Variants in ADGRL2 observed in about 807,000 individuals in gnomAD.
ADGRL2 encodes adhesion G protein-coupled receptor L2, also known as calcium-independent alpha-latrotoxin receptor 2.
Under a neutral mutation model 157.4 loss-of-function variants are expected in ADGRL2, and 44 were observed. The ratio of observed to expected loss-of-function variants is 0.28; its 90% CI spans 0.22 to 0.36. The LOEUF (loss-of-function observed/expected upper bound fraction) is 0.36. ADGRL2 is among the 10% of genes least tolerant of loss of function. The pLI is 1.00. For synonymous variants in ADGRL2, 585 were observed against 624.7 expected (o/e 0.94, Z 0.95); for missense variants, 1,510 against 1,768.9 (o/e 0.85, Z 2.63).
At chr1:81,576,949 T>A (rs1345573282) in intron 2 of ADGRL2, among the ~76,000 whole-genome samples, 1 of 152,280 alleles carries the variant, frequency 6.6e-6, no homozygotes, top group East Asian at 1.9e-4. Flanking sequence ...TGTTGTTGGA[T>A]CCCATGTTTG....
chr1:81,673,089 C>T (rs1337593565), intron 3 of ADGRL2, among the ~76,000 whole-genome samples: 2 of 152,142 alleles, frequency 1.3e-5, no homozygotes, highest in Non-Finnish European at 2.9e-5. Context: ...CAGCTTTTGT[C>T]TTACTTATTT....
intron 1 of ADGRL2, among the ~76,000 whole-genome samples, chr1:81,376,872 T>A (rs1570768233): frequency 6.6e-6 from 1 of 152,234 alleles, no homozygotes; most frequent in Non-Finnish European, 1.5e-5. Flanking sequence ...AGAAGATAAA[T>A]TCATGACTTT....
rs879384580 is a variant in ADGRL2, at chr1:81,993,400, A to G, written c.*2255A>G. On this transcript the variant is annotated 3_prime_UTR_variant, in exon 24 of 24. Transcript: ENST00000686636. ...GTAATTCCTAGTATACAAGCTACCT[A>G]GAGTCAGGCTGGTTCAGTAATAAAT... Among the ~76,000 whole-genome samples, 1 of 151,994 alleles carries G rather than the reference A, an allele frequency of 6.6e-6. No homozygotes were observed. Among genetic ancestry groups the G allele is most frequent in the Non-Finnish European group, 1.5e-5 (1 of 68,004 alleles).
intron 1 of ADGRL2, among the ~76,000 whole-genome samples, chr1:81,422,194 T>G (rs936429341): frequency 3.3e-5 from 5 of 152,146 alleles, no homozygotes; most frequent in African/African-American, 1.2e-4. Flanking sequence ...CTTCTTTTTT[T>G]TTTAACATAA....
chr1:81,712,855 C>A (rs904192244), intron 1 of ADGRL2, among the ~76,000 whole-genome samples: 1 of 149,022 alleles, frequency 6.7e-6, no homozygotes, highest in East Asian at 2.0e-4. Context: ...CTCCACCTCC[C>A]GGGTTCAAGT....
chr1:81,566,330 CA>C (rs922009586), intron 2 of ADGRL2, among the ~76,000 whole-genome samples: 13 of 152,170 alleles, frequency 8.5e-5, no homozygotes, highest in Non-Finnish European at 1.8e-4. Context: ...TAGAATCAAA[CA>C]AATAAACAAA....
intron 1 of ADGRL2, among the ~76,000 whole-genome samples, chr1:81,705,419 T>C (rs1454949446): frequency 1.3e-5 from 2 of 151,756 alleles, no homozygotes; most frequent in Non-Finnish European, 2.9e-5. Context: ...GGCTAATTTT[T>C]GTGTTTTTAG....
rs757313514 is a variant in ADGRL2, at chr1:81,950,378, C to T, written c.1400C>T (p.Pro467Leu). The T allele has an allele frequency of 7.4e-6, 12 of 1,613,886 alleles. No individual in the cohort carries two copies. The South Asian group carries it at 1.1e-4, about 15-fold the overall frequency. The change falls in exon 7 of 24, where the codon CCC becomes CTC. Residue 467 changes from proline to leucine, a missense_variant. Transcript: ENST00000686636. Reference protein sequence around the residue: ...TKIPPITNIFPLPERFCEALD... With the variant: ...TKIPPITNIFLLPERFCEALD... Reference sequence around the variant, plus strand: ...ATTCCACCTATAACAAATATTTTTCCCCTGCCAGAGAGATTCTGTGAAGCA... The same window carrying T: ...ATTCCACCTATAACAAATATTTTTCTCCTGCCAGAGAGATTCTGTGAAGCA...
intron 19 of ADGRL2, 156 bp from the exon 20 acceptor site, chr1:81,984,427 A>G (rs41292978): frequency 3.4e-5 from 23 of 668,794 alleles, no homozygotes; most frequent in Non-Finnish European, 5.1e-5. Flanking sequence ...CAGTAATTTT[A>G]ATTGAACTTG....
intron 2 of ADGRL2, among the ~76,000 whole-genome samples, chr1:81,500,238 G>C (rs181397960): frequency 2.6e-5 from 4 of 152,344 alleles, no homozygotes; most frequent in East Asian, 3.9e-4. Flanking sequence ...TGTGGAAATA[G>C]TATGGTGGTC....
At chr1:81,497,733 C>A (rs1016677539) in intron 2 of ADGRL2, among the ~76,000 whole-genome samples, 2 of 152,056 alleles carry the variant, frequency 1.3e-5, no homozygotes, top group African/African-American at 4.8e-5. Context: ...TGAAATGATG[C>A]GAAGTATGTG....
At chr1:81,967,435 G>A (rs1657440560) in intron 13 of ADGRL2, among the ~76,000 whole-genome samples, 1 of 152,066 alleles carries the variant, frequency 6.6e-6, no homozygotes, top group African/African-American at 2.4e-5. Flanking sequence ...CTAATTTTTT[G>A]TATTTTTAGT....
chr1:81,342,271 T>C (rs1344779070), intron 1 of ADGRL2, among the ~76,000 whole-genome samples: 1 of 152,238 alleles, frequency 6.6e-6, no homozygotes, highest in East Asian at 1.9e-4. Flanking sequence ...CCATATGTTT[T>C]AGATCCTATA....
chr1:81,689,316 A>G (rs2083287609), intron 3 of ADGRL2, among the ~76,000 whole-genome samples: 1 of 152,018 alleles, frequency 6.6e-6, no homozygotes, highest in South Asian at 2.1e-4. Context: ...AGAATGTTAG[A>G]TTTTCTAAAG....
intron 3 of ADGRL2, among the ~76,000 whole-genome samples, chr1:81,620,227 A>G (rs2081760230): frequency 6.6e-6 from 1 of 152,212 alleles, no homozygotes; most frequent in Non-Finnish European, 1.5e-5. Context: ...ATACTGGTAC[A>G]TGGGTACAGT....
At chr1:81,649,784 G>C (rs1339674096) in intron 3 of ADGRL2, among the ~76,000 whole-genome samples, 2 of 152,126 alleles carry the variant, frequency 1.3e-5, no homozygotes, top group Admixed American at 6.5e-5. Context: ...GAGGAGCACA[G>C]CTGTGAGTTA....
At chr1:81,857,595 G>T (rs2093245943) in intron 2 of ADGRL2, among the ~76,000 whole-genome samples, 1 of 152,104 alleles carries the variant, frequency 6.6e-6, no homozygotes, top group Non-Finnish European at 1.5e-5. Flanking sequence ...GTTCTTTTTG[G>T]TGGCAACTTT....
chr1:81,950,478 A>G lies in ADGRL2; in HGVS notation c.1500A>G (p.Thr500=), dbSNP rs1006648927. Residue 500 remains threonine (T), a synonymous_variant, in exon 7 of 24, where the codon ACA becomes ACG. Coordinates refer to ENST00000686636, the MANE Select transcript of ADGRL2 (RefSeq NM_001366006.2). Reference sequence around the variant, plus strand: ...TTGAACGACCATGCCCTAAGGGAACAAGAGGTATTTTCTATAAACTACCAT... The same window carrying G: ...TTGAACGACCATGCCCTAAGGGAACGAGAGGTATTTTCTATAAACTACCAT... ...MMVERPCPKG[T]RGTASYLCMI... 1 of 1,611,496 alleles carries G rather than the reference A, an allele frequency of 6.2e-7. No individual in the cohort carries two copies. The highest frequency in any genetic ancestry group is 8.5e-7 in the Non-Finnish European group (1 of 1,178,728).
At chr1:81,369,681 A>C (rs2100976644) in intron 1 of ADGRL2, among the ~76,000 whole-genome samples, 1 of 152,250 alleles carries the variant, frequency 6.6e-6, no homozygotes, top group South Asian at 2.1e-4. Context: ...AGACTAAATC[A>C]ATTTATATTT....
Sources: gnomAD v4.1 joint callset for allele counts (sites outside exome capture counted in the v4.1 genomes callset) on GRCh38, gnomAD v4.1.1 for gene constraint, MANE v1.5 for transcripts, NCBI Gene and HGNC (gene_info 2026-07-23, HGNC 2026-07-21) for gene names.